The following NOL4L variants were observed in gnomAD, a reference collection of about 807,000 sequenced individuals.
The protein encoded by NOL4L is nucleolar protein 4-like.
NOL4L carries 7 observed loss-of-function variants against 64.5 expected under a neutral mutation model. The ratio of observed to expected loss-of-function variants is 0.11; its 90% CI spans 0.06 to 0.20. The LOEUF (loss-of-function observed/expected upper bound fraction) is 0.20. NOL4L is among the 10% of genes least tolerant of loss of function. The pLI, the probability that NOL4L is intolerant of heterozygous loss-of-function variation, is 1.00. For synonymous variants in NOL4L, 413 were observed against 401.0 expected (o/e 1.03, Z -0.36); for missense variants, 680 against 967.1 (o/e 0.70, Z 3.94).
chr20:32,475,704 CA>C (rs1402409789), intron 4 of NOL4L, among the ~76,000 whole-genome samples: 10 of 152,220 alleles, frequency 6.6e-5, no homozygotes, highest in Non-Finnish European at 1.2e-4. Context: ...CTCCCCCCAG[CA>C]AGACACAATG....
intron 1 of NOL4L, among the ~76,000 whole-genome samples, chr20:32,559,640 G>C (rs1231181811): frequency 1.3e-5 from 2 of 152,154 alleles, no homozygotes; most frequent in Non-Finnish European, 2.9e-5. Context: ...TAGCGGAGCA[G>C]GGATTGGAAC....
chr20:32,580,442 G>T (rs1980396308), intron 1 of NOL4L, among the ~76,000 whole-genome samples: 2 of 152,194 alleles, frequency 1.3e-5, no homozygotes, highest in African/African-American at 2.4e-5. Context: ...GGTGCCAAAG[G>T]TTTACACAAA....
chr20:32,480,482 T>C lies in NOL4L; in HGVS notation c.700-5740A>G, dbSNP rs1372571536. Among the ~76,000 whole-genome samples the C allele has an allele frequency of 2.6e-5, 4 of 152,008 alleles. No individual in the cohort carries two copies. The East Asian group carries it at 7.8e-4, about 29-fold the overall frequency. ...TGGGAAGAACACCAGCCTCAGGGGG[T>C]TGCCCCAGCACCAGCTCTATCCCAA... On this transcript the variant is annotated intron_variant, in intron 4 of 10. Transcript: ENST00000621426.
Position 32,584,885 on chromosome 20 carries a change from C to T in NOL4L, c.6G>A (p.Pro2=), listed in dbSNP as rs1332448531. 2.3e-6 allele frequency: 3 copies of T among 1,276,772 alleles called. No individual in the cohort carries two copies. Among genetic ancestry groups the T allele is most frequent in the Non-Finnish European group, 3.0e-6 (3 of 1,010,842 alleles). 79.1% of individuals were successfully genotyped at this position (1,276,772 alleles called of 1,614,324 possible). M[P]KPTLLLRGGW... ...CCCCGCGCAGCAGCAGCGTCGGCTTCGGCATCCTCCCGCCGCGCCCGGCGC... is the reference window on the plus strand; with the variant it reads ...CCCCGCGCAGCAGCAGCGTCGGCTTTGGCATCCTCCCGCCGCGCCCGGCGC... The change falls in exon 1 of 11, where the codon CCG becomes CCA. Residue 2 remains proline, a synonymous_variant. Coordinates refer to ENST00000621426, the MANE Select transcript of NOL4L (RefSeq NM_001256798.2).
chr20:32,543,109 G>C (rs892350932), intron 1 of NOL4L, among the ~76,000 whole-genome samples: 1 of 152,152 alleles, frequency 6.6e-6, no homozygotes, highest in Non-Finnish European at 1.5e-5. Flanking sequence ...AAGCCACCAC[G>C]GAGCTCAGCT....
intron 1 of NOL4L, among the ~76,000 whole-genome samples, chr20:32,530,105 G>T (rs1292540447): frequency 2.0e-5 from 3 of 152,200 alleles, no homozygotes; most frequent in Admixed American, 2.0e-4. Flanking sequence ...GTTGGGATGG[G>T]ACAAATATTA....
At chr20:32,477,687 A>G (rs293534) in intron 4 of NOL4L, among the ~76,000 whole-genome samples, 80,251 of 152,180 alleles carry the variant, frequency 0.53, 23,142 homozygotes, top group East Asian at 0.99. Flanking sequence ...TATGAAGCCC[A>G]GGATGCAGGC....
chr20:32,528,380 T>C (rs1467341080), intron 1 of NOL4L, among the ~76,000 whole-genome samples: 1 of 152,234 alleles, frequency 6.6e-6, no homozygotes, highest in East Asian at 1.9e-4. Flanking sequence ...GGGTGACTCC[T>C]GCCTCCGCCC....
At position 32,511,476 on chromosome 20, in the gene NOL4L, G is replaced by A; in HGVS notation, c.590-20C>T. On this transcript the variant is annotated intron_variant, in intron 3 of 10. Transcript: ENST00000621426. ...CGTTTTCTGGCAGAAAGAACAAAAG[G>A]AAAGCCCTTTCAGTCTGTGCTGCGG... 6.6e-7 allele frequency: 1 copy of A among 1,515,610 alleles called. No homozygotes were observed. The highest frequency in any genetic ancestry group is 9.0e-7 in the Non-Finnish European group (1 of 1,115,324). The allele number at this position is 1,515,610 out of a possible 1,614,324, so 93.9% of individuals were successfully genotyped here. A position where few individuals can be genotyped will look rare whatever the true frequency, so the allele number is the denominator to read the frequency against.
intron 5 of NOL4L, among the ~76,000 whole-genome samples, chr20:32,468,974 C>G (rs1313575603): frequency 1.3e-5 from 2 of 151,590 alleles, no homozygotes; most frequent in Non-Finnish European, 2.9e-5. Context: ...ACAGGAGTGG[C>G]CAAAACGCTG....
rs74700083 is a variant in NOL4L, at chr20:32,509,536, A to G, written c.699+1811T>C. Among the ~76,000 whole-genome samples the G allele has an allele frequency of 3.7e-3, 524 of 140,678 alleles. 19 individuals carry two copies. In the East Asian group the frequency reaches 0.067, roughly 18 times the overall value. 92.3% of individuals were successfully genotyped at this position (140,678 alleles called of 152,430 possible). A position where few individuals can be genotyped will look rare whatever the true frequency, so the allele number is the denominator to read the frequency against. ...CTGCCTCAAAAAAAAAAAAAAAAAA[A>G]AAAAGAAAAGAAAGAAAATCTAGGG... is the stretch of plus-strand genomic sequence containing the variant. On this transcript the variant is annotated intron_variant, in intron 4 of 10. Coordinates refer to ENST00000621426, the MANE Select transcript of NOL4L (RefSeq NM_001256798.2).
At chr20:32,538,363 C>A (rs1454784789) in intron 1 of NOL4L, among the ~76,000 whole-genome samples, 1 of 152,108 alleles carries the variant, frequency 6.6e-6, no homozygotes, top group East Asian at 1.9e-4. Context: ...GAAGCAGAAC[C>A]GGCTCTGTGT....
intron 1 of NOL4L, chr20:32,537,142 G>A: frequency 3.0e-6 from 3 of 983,962 alleles, no homozygotes; most frequent in Non-Finnish European, 3.6e-6. Context: ...GGGAGCGCCC[G>A]CTATGTGCCA....
chr20:32,576,502 C>CTTTATTCCCA (rs1322081888), intron 1 of NOL4L, among the ~76,000 whole-genome samples: 1 of 152,152 alleles, frequency 6.6e-6, no homozygotes. Flanking sequence ...AAATGAATGA[C>CTTTATTCCCA]CTGGGCTTGG....
intron 3 of NOL4L, among the ~76,000 whole-genome samples, chr20:32,518,418 C>T (rs911786795): frequency 2.6e-5 from 4 of 152,230 alleles, no homozygotes; most frequent in Admixed American, 1.3e-4. Context: ...TGCTGTGCTC[C>T]GCGTTGCCCT....
intron 1 of NOL4L, among the ~76,000 whole-genome samples, chr20:32,542,348 C>T (rs182484220): frequency 6.6e-6 from 1 of 152,284 alleles, no homozygotes; most frequent in African/African-American, 2.4e-5. Flanking sequence ...TCCTACTCCA[C>T]TTCTTTTTAA....
At position 32,534,724 on chromosome 20, in the gene NOL4L, CA is replaced by C. The variant is rs1386461019; in HGVS notation, c.322-6812del. On this transcript the variant is annotated intron_variant, in intron 1 of 10. Coordinates refer to ENST00000621426, the MANE Select transcript of NOL4L (RefSeq NM_001256798.2). ...CGCCAGGAGGTCTCTACAGAAAATG[CA>C]AAAAACCTAGCTGGGCGTGGCGGCA... Among the ~76,000 whole-genome samples the C allele has an allele frequency of 2.0e-5, 3 of 151,130 alleles. No homozygotes were observed. In the East Asian group the frequency reaches 5.9e-4, roughly 29 times the overall value.
At chr20:32,564,143 C>G (rs1254921561) in intron 1 of NOL4L, among the ~76,000 whole-genome samples, 1 of 152,210 alleles carries the variant, frequency 6.6e-6, no homozygotes, top group Non-Finnish European at 1.5e-5. Flanking sequence ...TCTGTCTGTC[C>G]CCATGACACA....
At position 32,453,591 on chromosome 20, in the gene NOL4L, A is replaced by C; in HGVS notation, c.1290T>G (p.Arg430=). The C allele has an allele frequency of 1.2e-6, 2 of 1,613,862 alleles. No individual in the cohort carries two copies. Among genetic ancestry groups the C allele is most frequent in the Non-Finnish European group, 1.7e-6 (2 of 1,179,932 alleles). The change falls in exon 7 of 11, where the codon CGT becomes CGG. Residue 430 remains arginine (R), a synonymous_variant. Coordinates refer to ENST00000621426, the MANE Select transcript of NOL4L (RefSeq NM_001256798.2). This position sits in a 1 kb window ranked among gnomAD's most constrained non-coding sequence, Gnocchi z 5.6. ...MNDSEGMDPE[R]LKAFNMFVRL... ...CGGTGCTCACGTTGAAGGCCTTAAG[A>C]CGCTCAGGGTCCATGCCTTCAGAGT...
Sources: allele counts gnomAD v4.1 joint callset (sites outside exome capture counted in the v4.1 genomes callset), GRCh38; gene constraint gnomAD v4.1.1; non-coding constraint Gnocchi (gnomAD v3.1); transcripts MANE v1.5; gene names NCBI Gene and HGNC (gene_info 2026-07-23, HGNC 2026-07-21).